The following PARN variants were observed in gnomAD, a reference collection of about 807,000 sequenced individuals.
PARN encodes poly(A)-specific ribonuclease, also known as poly(A)-specific ribonuclease PARN.
Under a neutral mutation model 102.8 loss-of-function variants are expected in PARN, and 71 were observed. The ratio of observed to expected loss-of-function variants is 0.69; its 90% confidence interval spans 0.57 to 0.84. The LOEUF is 0.84. PARN is among the 40% of genes least tolerant of loss of function. PARN has a pLI of 0.00. For synonymous variants in PARN, 261 were observed against 252.9 expected, an observed-to-expected ratio of 1.03 and a Z score of -0.30; for missense variants, 782 against 760.9, an observed-to-expected ratio of 1.03 and a Z score of -0.33.
chr16:14,508,701 T>C (rs758783029), intron 21 of PARN, among the ~76,000 whole-genome samples: 3 of 150,378 alleles, frequency 2.0e-5, no homozygotes, highest in Non-Finnish European at 3.0e-5. Context: ...CAACATTTGA[T>C]AGAATTTTAA....
intron 20 of PARN, among the ~76,000 whole-genome samples, chr16:14,552,327 G>A (rs1173693566): frequency 1.3e-5 from 2 of 152,120 alleles, no homozygotes; most frequent in African/African-American, 2.4e-5. Context: ...GGGAAAAGAC[G>A]CTATTAGAAA....
chr16:14,529,945 G>C (rs941961628), intron 21 of PARN, among the ~76,000 whole-genome samples: 7 of 151,830 alleles, frequency 4.6e-5, no homozygotes, highest in African/African-American at 1.7e-4. Context: ...AGCTGCAAGA[G>C]GCCTCTGAAC....
chr16:14,477,596 T>C (rs1357454784), intron 22 of PARN, among the ~76,000 whole-genome samples: 1 of 150,556 alleles, frequency 6.6e-6, no homozygotes, highest in East Asian at 2.0e-4. Context: ...GCCAACATGG[T>C]GAAACCTCAT....
intron 18 of PARN, among the ~76,000 whole-genome samples, chr16:14,568,316 G>A (rs892325046): frequency 2.7e-5 from 4 of 150,168 alleles, no homozygotes; most frequent in Non-Finnish European, 5.9e-5. Context: ...GGGTTCAAGC[G>A]ATTCTTCCGC....
chr16:14,569,322 C>T (rs2075740271), intron 18 of PARN, among the ~76,000 whole-genome samples: 1 of 152,184 alleles, frequency 6.6e-6, no homozygotes, highest in South Asian at 2.1e-4. Context: ...ACAGTAACAA[C>T]CACCCTTTCT....
At chr16:14,601,929 TG>T (rs1302738334) in intron 11 of PARN, 3 of 149,804 alleles carry the variant, frequency 2.0e-5, no homozygotes, top group African/African-American at 7.4e-5. Flanking sequence ...ATTGCTTTTT[TG>T]GTTTTGTTTT....
At chr16:14,573,121 A>G (rs948966382) in intron 18 of PARN, among the ~76,000 whole-genome samples, 1 of 152,030 alleles carries the variant, frequency 6.6e-6, no homozygotes, top group Non-Finnish European at 1.5e-5. Flanking sequence ...GCCTCAAGCA[A>G]TCCACCTCCC....
intron 22 of PARN, among the ~76,000 whole-genome samples, chr16:14,452,646 T>A (rs2151563646): frequency 6.6e-6 from 1 of 152,338 alleles, no homozygotes; most frequent in East Asian, 1.9e-4. Context: ...CTACAGCATA[T>A]TTCTTAATTG....
At chr16:14,568,858 G>A (rs1327731661) in intron 18 of PARN, among the ~76,000 whole-genome samples, 1 of 151,942 alleles carries the variant, frequency 6.6e-6, no homozygotes, top group East Asian at 1.9e-4. Context: ...TCACGCCATT[G>A]CACTCTAGCC....
intron 12 of PARN, among the ~76,000 whole-genome samples, chr16:14,598,987 G>T (rs967392166): frequency 1.3e-5 from 2 of 150,468 alleles, no homozygotes; most frequent in Non-Finnish European, 2.9e-5. Context: ...CCAGCAGCAT[G>T]ACCTAGTTTA....
intron 21 of PARN, among the ~76,000 whole-genome samples, chr16:14,508,514 T>C (rs1965014773): frequency 6.6e-6 from 1 of 152,056 alleles, no homozygotes; most frequent in East Asian, 1.9e-4. Context: ...AAAAAGTGAG[T>C]GTGGGGAAAT....
chr16:14,491,944 A>T (rs1309944869), intron 21 of PARN, among the ~76,000 whole-genome samples: 1 of 152,228 alleles, frequency 6.6e-6, no homozygotes, highest in Non-Finnish European at 1.5e-5. Flanking sequence ...GTATGTGAAA[A>T]AAGTGCCTGG....
chr16:14,555,731 A>C, intron 18 of PARN, 22 bp from the exon 19 acceptor site: 1 of 1,321,706 alleles, frequency 7.6e-7, no homozygotes, highest in Non-Finnish European at 1.0e-6. Context: ...AAAGACAAAC[A>C]AGTAATGGGC....
At chr16:14,626,455 C>G (rs564083279) in intron 5 of PARN, among the ~76,000 whole-genome samples, 1 of 152,198 alleles carries the variant, frequency 6.6e-6, no homozygotes, top group South Asian at 2.1e-4. Context: ...AGCCAAGAAG[C>G]CTGCAAGTCT....
At chr16:14,453,982 T>C (rs1961574004) in intron 22 of PARN, among the ~76,000 whole-genome samples, 1 of 152,248 alleles carries the variant, frequency 6.6e-6, no homozygotes, top group South Asian at 2.1e-4. Context: ...TTGCAATTTA[T>C]GTTTAACTTT....
intron 21 of PARN, among the ~76,000 whole-genome samples, chr16:14,544,064 T>A (rs1254608485): frequency 6.6e-6 from 1 of 152,122 alleles, no homozygotes; most frequent in Non-Finnish European, 1.5e-5. Context: ...TGGGGGTGCA[T>A]GCCTGTAATC....
chr16:14,610,345 C>T (rs376997301), intron 7 of PARN, among the ~76,000 whole-genome samples: 6 of 151,810 alleles, frequency 4.0e-5, no homozygotes, highest in African/African-American at 1.5e-4. Flanking sequence ...TGGTGGTGCA[C>T]GCCTATAATC....
intron 22 of PARN, among the ~76,000 whole-genome samples, chr16:14,475,754 G>C (rs894892679): frequency 6.6e-6 from 1 of 152,182 alleles, no homozygotes; most frequent in African/African-American, 2.4e-5. Context: ...CCATAGTGCC[G>C]CCCTCCAAAT....
intron 21 of PARN, among the ~76,000 whole-genome samples, chr16:14,519,006 C>T (rs1038188341): frequency 6.6e-6 from 1 of 151,908 alleles, no homozygotes; most frequent in Non-Finnish European, 1.5e-5. Context: ...ATTATTAAAT[C>T]GGTGGCGAAT....
Sources: gnomAD v4.1 joint callset for allele counts (sites outside exome capture counted in the v4.1 genomes callset) on GRCh38, gnomAD v4.1.1 for gene constraint, MANE v1.5 for transcripts, NCBI Gene and HGNC (gene_info 2026-07-23, HGNC 2026-07-21) for gene names.